The following ROBO2 variants were observed in gnomAD, a reference collection of about 807,000 sequenced individuals.
The protein encoded by ROBO2 is roundabout guidance receptor 2.
In ROBO2, 53 loss-of-function variants were observed where a neutral mutation model predicts 160.8. The ratio of observed to expected loss-of-function variants is 0.33; its 90% CI spans 0.26 to 0.41. The LOEUF is 0.41. Among genes scored for constraint, ROBO2 ranks in the 10% least tolerant of loss-of-function variants. The probability of loss-of-function intolerance (pLI) is 1.00; values close to 1 mark genes in which losing one functional copy is unlikely to be tolerated. For synonymous variants in ROBO2, 664 were observed against 611.7 expected (o/e 1.09, Z -1.26); for missense variants, 1,577 against 1,722.4 (o/e 0.92, Z 1.49).
At chr3:77,577,389 C>T in intron 14 of ROBO2, 101 bp from the exon 16 acceptor site, 1 of 1,496,040 alleles carries the variant, frequency 6.7e-7, no homozygotes, top group South Asian at 1.1e-5. Flanking sequence ...TCCTGGAAGC[C>T]AGAGTCTCCT....
At chr3:76,146,450 A>G (rs536687375) in intron 2 of ROBO2, among the ~76,000 whole-genome samples, 2 of 151,830 alleles carry the variant, frequency 1.3e-5, no homozygotes, top group African/African-American at 4.8e-5. Context: ...TTTCCTCTCT[A>G]TGTCTCTAAT....
At chr3:75,936,770 T>A (rs545860620) in intron 1 of ROBO2, among the ~76,000 whole-genome samples, 1 of 152,146 alleles carries the variant, frequency 6.6e-6, no homozygotes, top group African/African-American at 2.4e-5. Context: ...GACATTTAAG[T>A]ATTTTCATAT....
At chr3:76,256,307 CT>C (rs1706361920) in intron 2 of ROBO2, among the ~76,000 whole-genome samples, 1 of 32,012 alleles carries the variant, frequency 3.1e-5, no homozygotes, top group Non-Finnish European at 4.5e-5. Flanking sequence ...GAGTCTCTCT[CT>C]CTCTCTCTCT....
At chr3:76,226,441 G>A (rs1052176506) in intron 2 of ROBO2, among the ~76,000 whole-genome samples, 11 of 152,048 alleles carry the variant, frequency 7.2e-5, no homozygotes, top group African/African-American at 2.4e-4. Context: ...AATAAGGGTT[G>A]TTGTGGTCAG....
chr3:77,599,410 C>T (rs1583200211), intron 19 of ROBO2, among the ~76,000 whole-genome samples: 2 of 149,052 alleles, frequency 1.3e-5, no homozygotes, highest in African/African-American at 2.5e-5. Flanking sequence ...CATTTTCCCA[C>T]ACCACATGTT....
chr3:77,221,854 C>CCTTTTCTTTTTCTTTTTCT (rs2085850593), intron 2 of ROBO2, among the ~76,000 whole-genome samples: 5 of 140,284 alleles, frequency 3.6e-5, no homozygotes, highest in African/African-American at 1.4e-4. Context: ...TTTTCTTTTT[C>CCTTTTCTTTTTCTTTTTCT]TTTTTTTTTT....
intron 2 of ROBO2, among the ~76,000 whole-genome samples, chr3:76,690,046 A>G (rs2092769178): frequency 6.6e-6 from 1 of 152,166 alleles, no homozygotes. Context: ...TGGCACCTAC[A>G]TTTACCTAGA....
At chr3:75,986,736 G>A (rs761503630) in intron 2 of ROBO2, among the ~76,000 whole-genome samples, 4 of 151,434 alleles carry the variant, frequency 2.6e-5, no homozygotes, top group African/African-American at 7.3e-5. Context: ...AGTGTTATAC[G>A]AGGGTCCAAC....
intron 2 of ROBO2, among the ~76,000 whole-genome samples, chr3:76,770,205 G>A (rs926736781): frequency 6.6e-6 from 1 of 151,314 alleles, no homozygotes; most frequent in African/African-American, 2.4e-5. Context: ...GAAGTTGATG[G>A]CTTTAAGTAG....
chr3:75,915,317 A>C (rs112872071), intron 1 of ROBO2, among the ~76,000 whole-genome samples: 41 of 152,274 alleles, frequency 2.7e-4, no homozygotes, highest in African/African-American at 8.9e-4. Context: ...ATTATGTAAA[A>C]CCAGAACAGC....
chr3:77,032,748 T>C (rs4521284), intron 2 of ROBO2, among the ~76,000 whole-genome samples: 31,874 of 152,068 alleles, frequency 0.21, 4,888 homozygotes, highest in African/African-American at 0.43. Context: ...AATTCATGCA[T>C]TTTATCCGAT....
intron 2 of ROBO2, among the ~76,000 whole-genome samples, chr3:76,548,730 C>G (rs941336372): frequency 7.9e-5 from 12 of 151,106 alleles, no homozygotes; most frequent in Non-Finnish European, 1.8e-4. Flanking sequence ...TCCACCATAG[C>G]CAAAATTTTT....
intron 2 of ROBO2, among the ~76,000 whole-genome samples, chr3:76,331,109 T>C (rs2108025419): frequency 6.6e-6 from 1 of 152,306 alleles, no homozygotes; most frequent in South Asian, 2.1e-4. Flanking sequence ...TTTTAATAAG[T>C]GTTTTGAGCC....
chr3:77,040,869 T>C (rs756022899), intron 1 of ROBO2, 23 bp downstream of exon 1: 3 of 1,613,090 alleles, frequency 1.9e-6, no homozygotes, highest in Admixed American at 1.7e-5. Flanking sequence ...TGCTTTCATC[T>C]TTTTTTGCGC....
At chr3:76,913,202 T>C (rs968684161) in intron 2 of ROBO2, among the ~76,000 whole-genome samples, 2 of 152,162 alleles carry the variant, frequency 1.3e-5, no homozygotes, top group Admixed American at 6.5e-5. Flanking sequence ...CCCCTCCCCA[T>C]AAAACTGCCC....
At chr3:75,915,992 G>A (rs563168412) in intron 1 of ROBO2, among the ~76,000 whole-genome samples, 299 of 152,218 alleles carry the variant, frequency 2.0e-3, no homozygotes, top group African/African-American at 7.0e-3. Context: ...AGATATAGAT[G>A]ATAATTTTTC....
At chr3:75,948,540 C>A (rs1948411654) in intron 2 of ROBO2, among the ~76,000 whole-genome samples, 1 of 152,064 alleles carries the variant, frequency 6.6e-6, no homozygotes, top group Non-Finnish European at 1.5e-5. Flanking sequence ...CTTTAGCCTT[C>A]CGTGGTTTCT....
intron 2 of ROBO2, among the ~76,000 whole-genome samples, chr3:76,448,932 G>A (rs2077333262): frequency 6.6e-6 from 1 of 152,066 alleles, no homozygotes; most frequent in Non-Finnish European, 1.5e-5. Flanking sequence ...CTGGACCCTA[G>A]AAGAAACAGC....
intron 2 of ROBO2, among the ~76,000 whole-genome samples, chr3:76,810,811 A>T (rs889854221): frequency 6.6e-6 from 1 of 152,184 alleles, no homozygotes; most frequent in African/African-American, 2.4e-5. Context: ...GTAGTAAGAG[A>T]CTGGCATTTG....
Sources: gnomAD v4.1 joint callset for allele counts (sites outside exome capture counted in the v4.1 genomes callset) on GRCh38, gnomAD v4.1.1 for gene constraint, MANE v1.5 for transcripts, NCBI Gene and HGNC (gene_info 2026-07-23, HGNC 2026-07-21) for gene names.